Variants in ULK4 observed in about 807,000 individuals in gnomAD.
ULK4 encodes the protein unc-51 like kinase 4, also known as inactive serine/threonine-protein kinase ULK4.
ULK4 carries 133 observed loss-of-function variants against 160.6 expected under a neutral mutation model. The observed-to-expected ratio is 0.83, with a 90% CI of 0.72 to 0.96. The LOEUF (loss-of-function observed/expected upper bound fraction) is 0.96. Ranked by LOEUF, ULK4 falls within the 40% of genes least tolerant of loss-of-function variation. ULK4 has a pLI of 0.00. For missense variants in ULK4, 1,580 were observed against 1,499.5 expected (o/e 1.05, Z -0.89); for synonymous variants, 534 against 539.8 (o/e 0.99, Z 0.15).
intron 29 of ULK4, among the ~76,000 whole-genome samples, chr3:41,675,550 A>G (rs905875868): frequency 3.3e-5 from 5 of 152,290 alleles, no homozygotes; most frequent in Non-Finnish European, 5.9e-5. Flanking sequence ...GGATTGCACT[A>G]CTGCACTCCA....
chr3:41,490,836 C>T (rs369055357), intron 32 of ULK4, among the ~76,000 whole-genome samples: 7 of 152,222 alleles, frequency 4.6e-5, no homozygotes, highest in African/African-American at 1.7e-4. Context: ...ACTACTGGTG[C>T]TTAAGGACAT....
chr3:41,822,763 C>T (rs2041188587), intron 18 of ULK4, among the ~76,000 whole-genome samples: 1 of 138,366 alleles, frequency 7.2e-6, no homozygotes. Context: ...GCTCTGTCAC[C>T]CAGGCTGGAG....
intron 25 of ULK4, among the ~76,000 whole-genome samples, 153 bp from the exon 26 acceptor site, chr3:41,705,458 C>A (rs2036844435): frequency 6.6e-6 from 1 of 151,652 alleles, no homozygotes; most frequent in Non-Finnish European, 1.5e-5. Context: ...ATTATAGTTA[C>A]AAAAGTATAT....
At chr3:41,699,604 T>C (rs1359349330) in intron 27 of ULK4, among the ~76,000 whole-genome samples, 1 of 152,178 alleles carries the variant, frequency 6.6e-6, no homozygotes, top group Admixed American at 6.5e-5. Flanking sequence ...GGTCTAAAAC[T>C]CTGGGAAAAA....
chr3:41,257,160 T>C (rs1295850862), intron 35 of ULK4, among the ~76,000 whole-genome samples: 1 of 152,196 alleles, frequency 6.6e-6, no homozygotes, highest in Non-Finnish European at 1.5e-5. Context: ...ACGTTGTTTG[T>C]CATTAGGGAA....
rs753174892 is a variant in ULK4 at position 41,911,663 on chromosome 3, T to C, written c.897-4A>G. ...AGAACACTCCATAGTGTTTCTGCTA[T>C]TATTGGAGAAAACCAACACAATCAA... On this transcript the variant is annotated splice_polypyrimidine_tract_variant and splice_region_variant and intron_variant, in intron 9 of 36. Coordinates refer to ENST00000301831, the MANE Select transcript of ULK4 (RefSeq NM_017886.4). 1 of 1,606,562 alleles carries C rather than the reference T, an allele frequency of 6.2e-7. No individual in the cohort carries two copies. Among genetic ancestry groups the C allele is most frequent in the Admixed American group, 1.7e-5 (1 of 59,684 alleles).
At chr3:41,817,804 A>G (rs1455575881) in intron 19 of ULK4, among the ~76,000 whole-genome samples, 1 of 152,172 alleles carries the variant, frequency 6.6e-6, no homozygotes, top group African/African-American at 2.4e-5. Context: ...AGAATATATA[A>G]GGACTTCAAC....
intron 31 of ULK4, among the ~76,000 whole-genome samples, chr3:41,586,591 CTTAATG>C (rs2030820332): frequency 6.6e-6 from 1 of 152,040 alleles, no homozygotes; most frequent in Non-Finnish European, 1.5e-5. Flanking sequence ...TGTGAATATA[CTTAATG>C]TTAATAAACT....
At chr3:41,897,036 T>C (rs766421016) in intron 14 of ULK4, 33 bp from the exon 15 acceptor site, 49 of 1,551,780 alleles carry the variant, frequency 3.2e-5, no homozygotes, top group Non-Finnish European at 3.9e-5. Context: ...AAAGTACATA[T>C]GATGAGAAAA....
chr3:41,852,144 G>C (rs578137760), intron 17 of ULK4, among the ~76,000 whole-genome samples: 2 of 152,210 alleles, frequency 1.3e-5, no homozygotes, highest in South Asian at 4.2e-4. Flanking sequence ...TAGAAGAAAT[G>C]GATAAATTCC....
chr3:41,939,689 G>A (rs537412542), intron 2 of ULK4, among the ~76,000 whole-genome samples: 1 of 152,156 alleles, frequency 6.6e-6, no homozygotes, highest in Non-Finnish European at 1.5e-5. Context: ...TGAGCCAGGG[G>A]GGTCCCCAAC....
At chr3:41,401,280 T>G (rs1213236955) in intron 34 of ULK4, among the ~76,000 whole-genome samples, 1 of 152,190 alleles carries the variant, frequency 6.6e-6, no homozygotes, top group Non-Finnish European at 1.5e-5. Context: ...TTTACATCTT[T>G]AATCCACTTA....
Position 41,865,270 on chromosome 3 carries a change from TTAAAA to T in ULK4, c.1656+18599_1656+18603del, listed in dbSNP as rs1351472329. ...TGGGCAACAGAGCAAGACTCTGTCTTTAAAAAAAAAAAAAAAAAAAAAAAAAAAAA... is the reference window on the plus strand; with the variant it reads ...TGGGCAACAGAGCAAGACTCTGTCTTAAAAAAAAAAAAAAAAAAAAAAAAA... On this transcript the variant is annotated intron_variant, in intron 17 of 36. Coordinates refer to ENST00000301831, the MANE Select transcript of ULK4 (RefSeq NM_017886.4). Among the ~76,000 whole-genome samples, 110 of 65,610 alleles carry T rather than the reference TTAAAA, an allele frequency of 1.7e-3. 7 individuals are homozygous for T. Among genetic ancestry groups the T allele is most frequent in the African/African-American group, 6.6e-3 (106 of 16,028 alleles). The allele number at this position is 65,610 out of a possible 152,430, so 43.0% of individuals were successfully genotyped here.
intron 22 of ULK4, among the ~76,000 whole-genome samples, chr3:41,748,750 C>T (rs973150153): frequency 6.6e-6 from 1 of 152,166 alleles, no homozygotes; most frequent in Non-Finnish European, 1.5e-5. Flanking sequence ...AGTAAAGGCA[C>T]ATATCCTCTC....
chr3:41,923,014 A>G (rs928225303), intron 5 of ULK4, among the ~76,000 whole-genome samples: 6 of 151,672 alleles, frequency 4.0e-5, no homozygotes, highest in African/African-American at 1.5e-4. Context: ...TCTATTAAAA[A>G]TACAAAAAAA....
chr3:41,690,332 C>A (rs1483913863), intron 27 of ULK4, among the ~76,000 whole-genome samples: 2 of 151,350 alleles, frequency 1.3e-5, no homozygotes, highest in South Asian at 2.1e-4. Context: ...AGGAGATATA[C>A]CTAATGCTAA....
intron 30 of ULK4, among the ~76,000 whole-genome samples, chr3:41,621,655 A>C (rs1044070736): frequency 6.6e-6 from 1 of 152,222 alleles, no homozygotes; most frequent in Non-Finnish European, 1.5e-5. Context: ...CAAAACCATA[A>C]AAATCCTAGA....
intron 21 of ULK4, among the ~76,000 whole-genome samples, chr3:41,774,794 C>T (rs1371413547): frequency 1.3e-5 from 2 of 150,442 alleles, no homozygotes; most frequent in South Asian, 2.1e-4. Flanking sequence ...TGCGGCACTA[C>T]TCACAATAGC....
intron 22 of ULK4, among the ~76,000 whole-genome samples, chr3:41,735,591 C>G: frequency 6.6e-6 from 1 of 151,984 alleles, no homozygotes; most frequent in East Asian, 1.9e-4. Flanking sequence ...TCATTCTGGA[C>G]AATATCACAA....
Sources: gnomAD v4.1 joint callset for allele counts (sites outside exome capture counted in the v4.1 genomes callset) on GRCh38, gnomAD v4.1.1 for gene constraint, MANE v1.5 for transcripts, NCBI Gene and HGNC (gene_info 2026-07-23, HGNC 2026-07-21) for gene names.